The following ABCC5 variants were observed in gnomAD, a reference collection of about 807,000 sequenced individuals.
ABCC5 encodes ATP binding cassette subfamily C member 5.
In ABCC5, 61 loss-of-function variants were observed where a neutral mutation model predicts 160.9. The ratio of observed to expected loss-of-function variants is 0.38; its 90% CI spans 0.31 to 0.47. The LOEUF (loss-of-function observed/expected upper bound fraction) is 0.47, where lower values mean the gene tolerates loss of function less well. ABCC5 is among the 20% of genes least tolerant of loss of function. ABCC5 has a pLI of 0.99. For synonymous variants in ABCC5, 666 were observed against 700.6 expected (o/e 0.95, Z 0.78); for missense variants, 1,308 against 1,813.3 (o/e 0.72, Z 5.06).
chr3:183,953,412 T>C (rs913021544), intron 17 of ABCC5, 142 bp from the exon 18 acceptor site: 5 of 701,528 alleles, frequency 7.1e-6, no homozygotes, highest in South Asian at 2.6e-5. Context: ...GAAGCATTCA[T>C]TCATCTATTT....
At chr3:183,940,978 C>G (rs1714282925) in intron 25 of ABCC5, among the ~76,000 whole-genome samples, 1 of 152,126 alleles carries the variant, frequency 6.6e-6, no homozygotes, top group Non-Finnish European at 1.5e-5. Context: ...CCTGCTTCAG[C>G]CTCCCGAGTA....
At chr3:184,001,854 C>A (rs1420806010) in intron 2 of ABCC5, among the ~76,000 whole-genome samples, 1 of 152,134 alleles carries the variant, frequency 6.6e-6, no homozygotes, top group African/African-American at 2.4e-5. Context: ...TCTTAAGGAG[C>A]ACAGCACACT....
chr3:183,963,732 G>C lies in ABCC5; in HGVS notation c.2032-144C>G. On this transcript the variant is annotated intron_variant, in intron 14 of 29. Coordinates refer to ENST00000334444, the MANE Select transcript of ABCC5 (RefSeq NM_005688.4). The surrounding 1 kb of genome is among the most constrained non-coding windows in gnomAD (Gnocchi z 4.6). ...AGATGAACTGCCATGCTGATTCCCC[G>C]CAGATGAACTGCCATGCTGATCCTT... The C allele has an allele frequency of 1.3e-6, 1 of 744,838 alleles. No homozygotes were observed. The highest frequency in any genetic ancestry group is 2.1e-6 in the Non-Finnish European group (1 of 483,792). The allele number at this position is 744,838 out of a possible 1,614,324, so 46.1% of individuals were successfully genotyped here.
At chr3:183,958,443 T>C (rs1716426159) in intron 17 of ABCC5, among the ~76,000 whole-genome samples, 1 of 152,194 alleles carries the variant, frequency 6.6e-6, no homozygotes, top group Admixed American at 6.5e-5. Flanking sequence ...ATATTCTGAT[T>C]TTTTACTGCC....
At chr3:183,922,695 C>T (rs1712124195) in intron 29 of ABCC5, among the ~76,000 whole-genome samples, 1 of 152,222 alleles carries the variant, frequency 6.6e-6, no homozygotes, top group African/African-American at 2.4e-5. Context: ...TCAACTTTCT[C>T]AGCCGCCCCC....
intron 2 of ABCC5, among the ~76,000 whole-genome samples, chr3:184,012,805 C>T (rs1456347966): frequency 6.6e-6 from 1 of 152,066 alleles, no homozygotes; most frequent in Non-Finnish European, 1.5e-5. Context: ...TGAAGTTAAA[C>T]CTGAATGGAA....
intron 29 of ABCC5, among the ~76,000 whole-genome samples, chr3:183,925,225 T>A (rs1384404960): frequency 2.0e-5 from 3 of 152,222 alleles, no homozygotes; most frequent in Admixed American, 2.0e-4. Context: ...GAATCACAAG[T>A]ATCTATACTC....
At chr3:183,927,090 T>C (rs1019312243) in intron 28 of ABCC5, among the ~76,000 whole-genome samples, 9 of 151,974 alleles carry the variant, frequency 5.9e-5, no homozygotes, top group East Asian at 1.9e-4. Context: ...GTCGTACAAC[T>C]ACTCAATGGC....
chr3:183,962,041 C>G (rs1028804471), intron 15 of ABCC5, among the ~76,000 whole-genome samples: 2 of 152,064 alleles, frequency 1.3e-5, no homozygotes, highest in African/African-American at 4.8e-5. Context: ...CCTGAGCCAC[C>G]GCGCCCAGCT....
At chr3:183,961,420 G>A in intron 16 of ABCC5, 91 bp downstream of exon 16, 2 of 1,480,864 alleles carry the variant, frequency 1.4e-6, no homozygotes, top group East Asian at 2.4e-5. Flanking sequence ...CACAGACACT[G>A]GATTCAGCTG....
intron 5 of ABCC5, chr3:183,984,131 G>A (rs1328304515): frequency 1.0e-6 from 1 of 985,250 alleles, no homozygotes; most frequent in African/African-American, 1.7e-5. Flanking sequence ...CCCCAAAGAG[G>A]TACTCTGCTC....
intron 2 of ABCC5, among the ~76,000 whole-genome samples, chr3:184,012,014 A>AACACACACAC (rs3031485): frequency 0.063 from 9,196 of 145,296 alleles, 339 homozygotes; most frequent in South Asian, 0.094. Context: ...CATAGAACAC[A>AACACACACAC]ACACACACAC....
chr3:183,968,899 G>C (rs1428661836), intron 11 of ABCC5, among the ~76,000 whole-genome samples: 1 of 152,170 alleles, frequency 6.6e-6, no homozygotes, highest in East Asian at 1.9e-4. Context: ...TGGACTCTGA[G>C]CACCTTGAGG....
chr3:183,934,043 C>T (rs1045362703), intron 26 of ABCC5, among the ~76,000 whole-genome samples: 3 of 152,184 alleles, frequency 2.0e-5, no homozygotes, highest in Non-Finnish European at 4.4e-5. Context: ...CGGTGGCTCA[C>T]ACCTGTAATC....
intron 2 of ABCC5, among the ~76,000 whole-genome samples, chr3:183,992,775 C>T (rs551095641): frequency 6.6e-6 from 1 of 150,762 alleles, no homozygotes; most frequent in East Asian, 1.9e-4. Flanking sequence ...AGCGAAAGAG[C>T]GAGACTCCGT....
At chr3:183,943,753 G>A (rs575884554) in intron 24 of ABCC5, among the ~76,000 whole-genome samples, 7 of 152,050 alleles carry the variant, frequency 4.6e-5, no homozygotes, top group East Asian at 1.9e-4. Flanking sequence ...AAATGTGACC[G>A]GTTTCAGCAG....
At chr3:183,969,576 C>A (rs1717545894) in intron 11 of ABCC5, among the ~76,000 whole-genome samples, 1 of 151,894 alleles carries the variant, frequency 6.6e-6, no homozygotes, top group Non-Finnish European at 1.5e-5. Flanking sequence ...CCTATAATCC[C>A]AGCTACTCGG....
rs539853381 is a variant in ABCC5, at chr3:183,938,533, G to A, written c.3695-473C>T. Among the ~76,000 whole-genome samples, 5 of 152,200 alleles carry A rather than the reference G, an allele frequency of 3.3e-5. No individual in the cohort carries two copies. In the South Asian group the frequency reaches 8.3e-4, roughly 25 times the overall value. On this transcript the variant is annotated intron_variant, in intron 25 of 29. Coordinates refer to ENST00000334444, the MANE Select transcript of ABCC5 (RefSeq NM_005688.4). ...AGGTTGGTCTCAAACTCCTGATCTC[G>A]TGATCCGCCCACCTTGGCCTCCCAA...
At chr3:183,975,490 C>G (rs1034548039) in intron 10 of ABCC5, among the ~76,000 whole-genome samples, 1 of 151,840 alleles carries the variant, frequency 6.6e-6, no homozygotes, top group Admixed American at 6.6e-5. Flanking sequence ...TACAGGCACA[C>G]ACCACCACAC....
Sources: allele counts gnomAD v4.1 joint callset (sites outside exome capture counted in the v4.1 genomes callset), GRCh38; gene constraint gnomAD v4.1.1; non-coding constraint Gnocchi (gnomAD v3.1); transcripts MANE v1.5; gene names NCBI Gene and HGNC (gene_info 2026-07-23, HGNC 2026-07-21).